WIPF3: variants seen among roughly 807,000 people sequenced by gnomAD.
WIPF3 encodes the protein WAS/WASL interacting protein family member 3.
WIPF3 carries 33 observed loss-of-function variants against 38.9 expected under a neutral mutation model. The ratio of observed to expected loss-of-function variants is 0.85; its 90% confidence interval spans 0.64 to 1.14. WIPF3 has a LOEUF of 1.14. WIPF3 is among the 50% of genes most tolerant of loss of function. WIPF3 has a pLI of 0.00. For synonymous variants in WIPF3, 324 were observed against 269.3 expected (o/e 1.20, Z -1.99); for missense variants, 711 against 652.5 (o/e 1.09, Z -0.98).
intron 7 of WIPF3, among the ~76,000 whole-genome samples, chr7:29,899,522 G>A (rs1786228208): frequency 1.3e-5 from 2 of 152,190 alleles, no homozygotes; most frequent in Admixed American, 1.3e-4. Context: ...ATAAAGTGAG[G>A]CACACAGACA....
chr7:29,885,199 T>G (rs937135559), intron 5 of WIPF3, among the ~76,000 whole-genome samples: 4 of 152,218 alleles, frequency 2.6e-5, no homozygotes, highest in African/African-American at 7.2e-5. Context: ...AAATAATTCC[T>G]TCACATATGC....
chr7:29,865,752 G>A (rs1785375046), intron 2 of WIPF3, among the ~76,000 whole-genome samples: 1 of 152,226 alleles, frequency 6.6e-6, no homozygotes, highest in Admixed American at 6.5e-5. Flanking sequence ...ACCATTTCAG[G>A]ACTGTCCTTG....
chr7:29,880,231 T>C (rs1412594104), intron 4 of WIPF3, among the ~76,000 whole-genome samples: 2 of 152,172 alleles, frequency 1.3e-5, no homozygotes, highest in African/African-American at 4.8e-5. Context: ...CAGGAGGAAA[T>C]ACAAAGGCCC....
intron 2 of WIPF3, among the ~76,000 whole-genome samples, chr7:29,847,514 A>T (rs1215343361): frequency 6.6e-6 from 1 of 152,218 alleles, no homozygotes; most frequent in African/African-American, 2.4e-5. Flanking sequence ...AGCGGAAATT[A>T]TCTATTTTAT....
At chr7:29,910,222 A>G (rs935393260) in intron 8 of WIPF3, among the ~76,000 whole-genome samples, 59 of 152,198 alleles carry the variant, frequency 3.9e-4, no homozygotes, top group African/African-American at 1.4e-3. Context: ...CTATGTACCC[A>G]CAAAAAAAAA....
chr7:29,871,491 T>G (rs78688081), intron 2 of WIPF3, among the ~76,000 whole-genome samples: 3 of 152,312 alleles, frequency 2.0e-5, no homozygotes, highest in Non-Finnish European at 4.4e-5. Context: ...TTTGGACCCT[T>G]GTTGAGAGAA....
Position 29,834,745 on chromosome 7 carries a change from C to A in WIPF3, c.21C>A (p.Pro7=). 1 of 1,492,868 alleles carries A rather than the reference C, an allele frequency of 6.7e-7. No homozygotes were observed. Among genetic ancestry groups the A allele is most frequent in the Non-Finnish European group, 9.0e-7 (1 of 1,115,238 alleles). 92.5% of individuals were successfully genotyped at this position (1,492,868 alleles called of 1,614,324 possible). Residue 7 remains proline, a synonymous_variant, in exon 2 of 9, where the codon CCC becomes CCA. Coordinates refer to ENST00000242140, the MANE Select transcript of WIPF3 (RefSeq NM_001080529.3). The part of the protein sequence containing the change: MPVPPP[P]PPPLPPPPPP... ...GACACATGCCAGTGCCACCGCCACC[C>A]CCACCTCCTCTGCCTCCACCTCCCC...
At chr7:29,828,435 G>C (rs62459996) in intron 1 of WIPF3, among the ~76,000 whole-genome samples, 2 of 152,074 alleles carry the variant, frequency 1.3e-5, no homozygotes, top group African/African-American at 4.8e-5. Flanking sequence ...AATAGCTCCC[G>C]CTAAAGAGGT....
intron 2 of WIPF3, among the ~76,000 whole-genome samples, chr7:29,875,162 A>G (rs927674321): frequency 1.1e-4 from 17 of 152,058 alleles, no homozygotes; most frequent in Non-Finnish European, 1.9e-4. Context: ...TCTGACCTCT[A>G]TGGGTCCCAG....
In WIPF3 at chr7:29,913,833, T is replaced by TCA. The variant is rs1427157938; in HGVS notation, c.1429-654_1429-653dup. On this transcript the variant is annotated intron_variant, in intron 8 of 8. Coordinates refer to ENST00000242140, the MANE Select transcript of WIPF3 (RefSeq NM_001080529.3). ...AAGAATCCTCCTCACTACCAACGTG[T>TCA]CACACACTGTGCAGGATCTGGTCTC... is the stretch of plus-strand genomic sequence containing the variant. Among the ~76,000 whole-genome samples the TCA allele has an allele frequency of 5.3e-5, 8 of 152,236 alleles. No individual in the cohort carries two copies. In the East Asian group the frequency reaches 1.5e-3, roughly 29 times the overall value.
rs1461196894 is a variant in WIPF3, at chr7:29,875,949, C to T, written c.210C>T (p.Ala70=). Residue 70 remains alanine (A), a synonymous_variant, in exon 3 of 9, where the codon GCC becomes GCT. Transcript: ENST00000242140. ...TCACGCAGATCAACGACCGCAGTGC[C>T]CCGCAGATCGAGAGTAAGTGAGCAG... ...RKVTQINDRS[A]PQIESSKGTN... is the part of the protein sequence containing the mutation. 6.2e-7 allele frequency: 1 copy of T among 1,613,762 alleles called. No individual in the cohort carries two copies. Among genetic ancestry groups the T allele is most frequent in the Non-Finnish European group, 8.5e-7 (1 of 1,179,788 alleles).
At chr7:29,827,783 A>G (rs937669227) in intron 1 of WIPF3, among the ~76,000 whole-genome samples, 2 of 152,086 alleles carry the variant, frequency 1.3e-5, no homozygotes, top group African/African-American at 4.8e-5. Flanking sequence ...TTCCTAGTCA[A>G]GTGTGTTATT....
chr7:29,822,627 C>T (rs1464818870), intron 1 of WIPF3, among the ~76,000 whole-genome samples: 4 of 152,184 alleles, frequency 2.6e-5, no homozygotes, highest in Non-Finnish European at 5.9e-5. Context: ...CTTTGGAGAG[C>T]AGGGCTCTGC....
intron 2 of WIPF3, among the ~76,000 whole-genome samples, chr7:29,840,290 C>T (rs577237514): frequency 2.6e-5 from 4 of 152,338 alleles, no homozygotes; most frequent in South Asian, 4.1e-4. Context: ...CTCCTGTGCC[C>T]CTGTCCTGGA....
At chr7:29,862,236 A>G (rs985676540) in intron 2 of WIPF3, among the ~76,000 whole-genome samples, 14 of 152,282 alleles carry the variant, frequency 9.2e-5, no homozygotes, top group Non-Finnish European at 1.9e-4. Context: ...TCACACACAC[A>G]CAAACTAGAC....
In WIPF3 at chr7:29,823,534, G is replaced by A. The variant is rs568139507; in HGVS notation, c.-57-11134G>A. ...AACTTTCCCAGTGTTCTGCTAACAA[G>A]GTTTGTCTCCATCTTTTGCGGGAGC... is the stretch of plus-strand genomic sequence containing the variant. On this transcript the variant is annotated intron_variant, in intron 1 of 8. Coordinates refer to ENST00000242140, the MANE Select transcript of WIPF3 (RefSeq NM_001080529.3). This position sits in a 1 kb window ranked among gnomAD's most constrained non-coding sequence, Gnocchi z 4.0. 6.6e-6 allele frequency among the ~76,000 whole-genome samples: 1 copy of A among 152,154 alleles called. No individual in the cohort carries two copies. Among genetic ancestry groups the A allele is most frequent in the East Asian group, 1.9e-4 (1 of 5,200 alleles).
intron 2 of WIPF3, among the ~76,000 whole-genome samples, chr7:29,869,678 A>G (rs537895781): frequency 2.0e-5 from 3 of 152,214 alleles, no homozygotes; most frequent in South Asian, 2.1e-4. Flanking sequence ...ATTTCTTTCT[A>G]TTCTTCCCAT....
intron 2 of WIPF3, among the ~76,000 whole-genome samples, chr7:29,858,756 T>C (rs1158852062): frequency 6.6e-6 from 1 of 152,176 alleles, no homozygotes; most frequent in Non-Finnish European, 1.5e-5. Flanking sequence ...TCAGGGAGAG[T>C]TTGAGGTGGC....
chr7:29,834,821 C>A lies in WIPF3; in HGVS notation c.90+7C>A. The A allele has an allele frequency of 2.6e-6, 4 of 1,517,564 alleles. No homozygotes were observed. Among genetic ancestry groups the A allele is most frequent in the Non-Finnish European group, 3.5e-6 (4 of 1,127,554 alleles). The allele number at this position is 1,517,564 out of a possible 1,614,324, so 94.0% of individuals were successfully genotyped here. On this transcript the variant is annotated splice_region_variant and intron_variant, in intron 2 of 8. Transcript: ENST00000242140. ...CCCACCATCAGCACCCCCGGTAAGA[C>A]CTTTTTTTCTGATTGGTTTACTGTG...
Sources: allele counts gnomAD v4.1 joint callset (sites outside exome capture counted in the v4.1 genomes callset), GRCh38; gene constraint gnomAD v4.1.1; non-coding constraint Gnocchi (gnomAD v3.1); transcripts MANE v1.5; gene names NCBI Gene and HGNC (gene_info 2026-07-23, HGNC 2026-07-21).